Variants in NPR3 observed in about 807,000 individuals in gnomAD.
NPR3 encodes natriuretic peptide receptor 3.
NPR3 carries 34 observed loss-of-function variants against 54.5 expected under a neutral mutation model. The observed-to-expected ratio is 0.62, with a 90% CI of 0.47 to 0.83. The LOEUF (loss-of-function observed/expected upper bound fraction) is 0.83, where lower values mean the gene tolerates loss of function less well. Among genes scored for constraint, NPR3 ranks in the 40% least tolerant of loss-of-function variants. The pLI is 0.00. For missense variants in NPR3, 674 were observed against 720.8 expected, an observed-to-expected ratio of 0.94 and a Z score of 0.74; for synonymous variants, 289 against 297.1, an observed-to-expected ratio of 0.97 and a Z score of 0.28.
intron 1 of NPR3, 147 bp downstream of exon 1, chr5:32,712,692 G>A (rs954975273): frequency 6.8e-6 from 5 of 736,586 alleles, no homozygotes; most frequent in Non-Finnish European, 8.6e-6. Flanking sequence ...TATGCGCCGT[G>A]TGGCTGCGAC....
intron 1 of NPR3, chr5:32,713,193 C>T (rs1411202559): frequency 2.6e-5 from 26 of 985,338 alleles, no homozygotes; most frequent in Non-Finnish European, 3.0e-5. Context: ...GCGACACTCA[C>T]TTCTCCCAGA....
intron 3 of NPR3, among the ~76,000 whole-genome samples, chr5:32,741,876 C>A (rs1740055066): frequency 6.6e-6 from 1 of 151,822 alleles, no homozygotes; most frequent in South Asian, 2.1e-4. Context: ...CAGGTGCACA[C>A]CACCACGCCT....
At chr5:32,752,184 A>G (rs1177169629) in intron 3 of NPR3, among the ~76,000 whole-genome samples, 1 of 152,106 alleles carries the variant, frequency 6.6e-6, no homozygotes, top group East Asian at 1.9e-4. Context: ...AGCCTGGGCA[A>G]CAAGAGCGAG....
chr5:32,776,086 T>C (rs1445956415), intron 4 of NPR3, among the ~76,000 whole-genome samples: 3 of 152,248 alleles, frequency 2.0e-5, no homozygotes, highest in Admixed American at 6.5e-5. Context: ...TGATTCTGTG[T>C]ATAAATATTT....
chr5:32,761,363 T>A (rs1203476034), intron 3 of NPR3, among the ~76,000 whole-genome samples: 2 of 152,160 alleles, frequency 1.3e-5, no homozygotes, highest in African/African-American at 4.8e-5. Flanking sequence ...CAGCAATGTT[T>A]ATAGTTTTCT....
chr5:32,706,234 C>T (rs1286193837), upstream of NPR3, among the ~76,000 whole-genome samples: 2 of 152,184 alleles, frequency 1.3e-5, no homozygotes, highest in East Asian at 1.9e-4. Context: ...AGGCCCTCGT[C>T]GGAAGCCGAG....
chr5:32,721,678 G>A (rs1222085300), intron 1 of NPR3, among the ~76,000 whole-genome samples: 2 of 152,102 alleles, frequency 1.3e-5, no homozygotes, highest in Non-Finnish European at 2.9e-5. Context: ...AATAACAACA[G>A]AAAAGAAAAC....
intron 2 of NPR3, among the ~76,000 whole-genome samples, chr5:32,725,410 T>G (rs1365521465): frequency 6.6e-6 from 1 of 152,226 alleles, no homozygotes; most frequent in African/African-American, 2.4e-5. Context: ...TTGCTTCATC[T>G]CCAACAATTC....
chr5:32,763,822 T>C (rs568817538), intron 3 of NPR3, among the ~76,000 whole-genome samples: 17 of 152,360 alleles, frequency 1.1e-4, no homozygotes, highest in African/African-American at 3.8e-4. Context: ...ATAAAGATTG[T>C]ATTCAGAGTA....
chr5:32,738,761 G>T, intron 2 of NPR3, 103 bp from the exon 3 acceptor site: 2 of 947,170 alleles, frequency 2.1e-6, no homozygotes, highest in South Asian at 3.2e-5. Flanking sequence ...TCTCTTCCTG[G>T]TTGCCAAAAG....
rs756826319 is a variant in NPR3 at position 32,786,289 on chromosome 5, GGAAAA to G, written c.1571_1575del (p.Gly524AlafsTer52). ...AACCCAGCAAGAAGAAAGTAACCTT[GGAAAA>G]CATCGGGAATTACGGGAAGATTCCA... On this transcript the variant is annotated frameshift_variant, in exon 8 of 8. Coordinates refer to ENST00000265074, the MANE Select transcript of NPR3 (RefSeq NM_001204375.2). LOFTEE classifies it high-confidence loss of function. The G allele has an allele frequency of 1.3e-6, 2 of 1,591,402 alleles. No homozygotes were observed. The highest frequency in any genetic ancestry group is 3.4e-5 in the Admixed American group (2 of 59,264).
chr5:32,711,799 C>T lies in NPR3; in HGVS notation c.23C>T (p.Thr8Ile), dbSNP rs1383277152. The change falls in exon 1 of 8, where the codon ACT (threonine) becomes ATT (isoleucine). Residue 8 changes from threonine to isoleucine, a missense_variant. Coordinates refer to ENST00000265074, the MANE Select transcript of NPR3 (RefSeq NM_001204375.2). The stretch of plus-strand genomic sequence containing the variant: ...ACGATGCCGTCTCTGCTGGTGCTCA[C>T]TTTCTCCCCGTGCGTACTACTCGGC... MPSLLVL[T>I]FSPCVLLGWA... 8 of 1,440,770 alleles carry T rather than the reference C, an allele frequency of 5.6e-6. No homozygotes were observed. The African/African-American group carries it at 1.0e-4, about 18-fold the overall frequency. 89.2% of individuals were successfully genotyped at this position (1,440,770 alleles called of 1,614,324 possible).
In NPR3 at chr5:32,728,835, GTGTATATATATATATATATATATA is replaced by G. The variant is rs1316001404; in HGVS notation, c.892+4017_892+4040del. ...AATATTTGTGTGTGTGTGTGTGTGT[GTGTATATATATATATATATATATA>G]TATATATATATATATATGTAAAATG... On this transcript the variant is annotated intron_variant, in intron 2 of 7. Transcript: ENST00000265074. 4.8e-4 allele frequency among the ~76,000 whole-genome samples: 29 copies of G among 60,624 alleles called. 2 individuals carry two copies. The highest frequency in any genetic ancestry group is 3.4e-3 in the East Asian group (5 of 1,454). The allele number at this position is 60,624 out of a possible 152,430, so 39.8% of individuals were successfully genotyped here.
In NPR3 at chr5:32,790,947, C is replaced by T. The variant is rs1489050561; in HGVS notation, c.*4602C>T. 1 of 166,958 alleles carries T rather than the reference C, an allele frequency of 6.0e-6. No individual in the cohort carries two copies. Among genetic ancestry groups the T allele is most frequent in the East Asian group, 1.9e-4 (1 of 5,194 alleles). The allele number at this position is 166,958 out of a possible 1,614,324, so 10.3% of individuals were successfully genotyped here. Reference sequence around the variant, plus strand: ...CATTGCTTTGATTCATGTTTAAAGACCTAAATTTCTATGCACAAGGAATAA... The same window carrying T: ...CATTGCTTTGATTCATGTTTAAAGATCTAAATTTCTATGCACAAGGAATAA... On this transcript the variant is annotated 3_prime_UTR_variant, in exon 8 of 8. Coordinates refer to ENST00000265074, the MANE Select transcript of NPR3 (RefSeq NM_001204375.2).
intron 3 of NPR3, among the ~76,000 whole-genome samples, chr5:32,754,208 C>T (rs1740716898): frequency 6.6e-6 from 1 of 152,062 alleles, no homozygotes; most frequent in South Asian, 2.1e-4. Flanking sequence ...GGTAGTGGTT[C>T]AATAAATATT....
rs1226669792 is a variant in NPR3 at position 32,728,835 on chromosome 5, G to GTATATATA, written c.892+4016_892+4017insATATATAT. ...AATATTTGTGTGTGTGTGTGTGTGT[G>GTATATATA]TGTATATATATATATATATATATAT... On this transcript the variant is annotated intron_variant, in intron 2 of 7. Coordinates refer to ENST00000265074, the MANE Select transcript of NPR3 (RefSeq NM_001204375.2). 3.0e-3 allele frequency among the ~76,000 whole-genome samples: 179 copies of GTATATATA among 60,564 alleles called. 2 individuals carry two copies. The highest frequency in any genetic ancestry group is 4.1e-3 in the East Asian group (6 of 1,452). The allele number at this position is 60,564 out of a possible 152,430, so 39.7% of individuals were successfully genotyped here. A position where few individuals can be genotyped will look rare whatever the true frequency, so the allele number is the denominator to read the frequency against.
At chr5:32,765,586 C>T (rs1026246858) in intron 3 of NPR3, among the ~76,000 whole-genome samples, 4 of 152,184 alleles carry the variant, frequency 2.6e-5, no homozygotes, top group African/African-American at 9.7e-5. Flanking sequence ...TTGGCTTGTG[C>T]ATCAGGGAGC....
intron 4 of NPR3, among the ~76,000 whole-genome samples, chr5:32,775,510 G>T (rs1335416196): frequency 6.6e-6 from 1 of 152,148 alleles, no homozygotes; most frequent in Non-Finnish European, 1.5e-5. Context: ...TGGCCAGGTT[G>T]ATCTCTAACT....
chr5:32,707,589 G>A (rs1422033933), upstream of NPR3, among the ~76,000 whole-genome samples: 2 of 152,138 alleles, frequency 1.3e-5, no homozygotes, highest in African/African-American at 4.8e-5. Flanking sequence ...CTCTAGGGGG[G>A]AGTGTGTTTT....
Sources: allele counts gnomAD v4.1 joint callset (sites outside exome capture counted in the v4.1 genomes callset), GRCh38; gene constraint gnomAD v4.1.1; transcripts MANE v1.5; gene names NCBI Gene and HGNC (gene_info 2026-07-23, HGNC 2026-07-21).